Variants in CCDC124 observed in about 807,000 individuals in gnomAD.
CCDC124 encodes coiled-coil domain-containing protein 124.
CCDC124 carries 9 observed loss-of-function variants against 19.8 expected under a neutral mutation model. The observed-to-expected ratio is 0.45, with a 90% CI of 0.27 to 0.79. The LOEUF (loss-of-function observed/expected upper bound fraction) is 0.79, where lower values mean the gene tolerates loss of function less well. Among genes scored for constraint, CCDC124 ranks in the 30% least tolerant of loss-of-function variants. CCDC124 has a pLI of 0.14. For missense variants in CCDC124, 285 were observed against 319.0 expected (o/e 0.89, Z 0.81); for synonymous variants, 126 against 131.3 (o/e 0.96, Z 0.27).
rs2031199807 is a variant in CCDC124 at position 17,942,238 on chromosome 19, G to A, written c.160-418G>A. Among the ~76,000 whole-genome samples the A allele has an allele frequency of 1.3e-5, 2 of 152,174 alleles. No homozygotes were observed. The highest frequency in any genetic ancestry group is 3.9e-4 in the East Asian group (2 of 5,182). ...AACATGAACCCCTCCCTGGCCCCCA[G>A]AGGCTCCGCATGGCCCAGCCGTCTC... On this transcript the variant is annotated intron_variant, in intron 2 of 4. Coordinates refer to ENST00000445755, the MANE Select transcript of CCDC124 (RefSeq NM_001136203.2). This position sits in a 1 kb window ranked among gnomAD's most constrained non-coding sequence, Gnocchi z 4.2.
chr19:17,936,924 GAGGTCTCCCCGCTGCACTCC>G (rs1444388141), intron 2 of CCDC124: 8 of 163,682 alleles, frequency 4.9e-5, no homozygotes, highest in Non-Finnish European at 9.1e-5. Context: ...GCAGTGAGCC[GAGGTCTCCCCGCTGCACTCC>G]AGCATGGGCA....
chr19:17,943,353 G>A lies in CCDC124; in HGVS notation c.442G>A (p.Glu148Lys). The A allele has an allele frequency of 6.5e-7, 1 of 1,530,798 alleles. No individual in the cohort carries two copies. The highest frequency in any genetic ancestry group is 8.8e-7 in the Non-Finnish European group (1 of 1,136,646). 94.8% of individuals were successfully genotyped at this position (1,530,798 alleles called of 1,614,324 possible). Residue 148 changes from glutamate to lysine, a missense_variant, in exon 4 of 5, where the codon GAG becomes AAG. Coordinates refer to ENST00000445755, the MANE Select transcript of CCDC124 (RefSeq NM_001136203.2). Reference protein sequence around the residue: ...EEGSVEARTIEDAIAVLSVAE... With the variant: ...EEGSVEARTIKDAIAVLSVAE... ...GGGCAGCGTGGAGGCGCGCACCATC[G>A]AGGACGCCATTGCAGTGCTCAGGTA...
At chr19:17,943,119 C>A in intron 3 of CCDC124, 142 bp from the exon 4 acceptor site, 1 of 782,704 alleles carries the variant, frequency 1.3e-6, no homozygotes, top group Non-Finnish European at 2.1e-6. Flanking sequence ...GGCTTATCAG[C>A]TGAAGTCGCG....
chr19:17,943,314 C>A lies in CCDC124; in HGVS notation c.403C>A (p.Arg135Ser). The A allele has an allele frequency of 6.3e-7, 1 of 1,596,472 alleles. No individual in the cohort carries two copies. Among genetic ancestry groups the A allele is most frequent in the Middle Eastern group, 2.2e-4 (1 of 4,518 alleles). The change falls in exon 4 of 5, where the codon CGC (arginine) becomes AGC (serine). Residue 135 changes from arginine to serine, a missense_variant. Coordinates refer to ENST00000445755, the MANE Select transcript of CCDC124 (RefSeq NM_001136203.2). ...EVPLEENVNR[R>S]VLEEGSVEAR... ...GCCGCTGGAGGAGAACGTGAACCGCCGCGTGCTGGAGGAGGGCAGCGTGGA... is the reference window on the plus strand; with the variant it reads ...GCCGCTGGAGGAGAACGTGAACCGCAGCGTGCTGGAGGAGGGCAGCGTGGA...
chr19:17,934,152 C>G (rs901775862), intron 1 of CCDC124, among the ~76,000 whole-genome samples: 1 of 150,732 alleles, frequency 6.6e-6, no homozygotes, highest in Non-Finnish European at 1.5e-5. Flanking sequence ...AGTGAAACCC[C>G]GTCTCTACTA....
Position 17,943,254 on chromosome 19 carries a change from C to T in CCDC124, c.350-7C>T, listed in dbSNP as rs779122056. The T allele has an allele frequency of 1.5e-5, 21 of 1,417,630 alleles. No individual in the cohort carries two copies. Among genetic ancestry groups the T allele is most frequent in the Non-Finnish European group, 1.9e-5 (20 of 1,036,912 alleles). The allele number at this position is 1,417,630 out of a possible 1,614,324, so 87.8% of individuals were successfully genotyped here. ...TCTCTGTCTCTGTCACCCACCCACC[C>T]GCCCAGCCGAGAAAGCCAAGAGCCA... On this transcript the variant is annotated splice_region_variant and splice_polypyrimidine_tract_variant and intron_variant, in intron 3 of 4. Coordinates refer to ENST00000445755, the MANE Select transcript of CCDC124 (RefSeq NM_001136203.2).
In CCDC124 at chr19:17,943,490, G is replaced by C. The variant is rs746677658; in HGVS notation, c.465-18G>C. ...AAGGCTGCGCCCAAGGCCCCCTGAC[G>C]CTCATGTCCACCCCCAGCGTGGCGG... On this transcript the variant is annotated intron_variant, in intron 4 of 4. Coordinates refer to ENST00000445755, the MANE Select transcript of CCDC124 (RefSeq NM_001136203.2). 1.2e-6 allele frequency: 2 copies of C among 1,606,048 alleles called. No homozygotes were observed. The highest frequency in any genetic ancestry group is 1.7e-5 in the Admixed American group (1 of 59,810).
In CCDC124 at chr19:17,943,784, G is replaced by A; in HGVS notation, c.*69G>A. On this transcript the variant is annotated 3_prime_UTR_variant, in exon 5 of 5. Coordinates refer to ENST00000445755, the MANE Select transcript of CCDC124 (RefSeq NM_001136203.2). ...CACGACTCTGCACGCCCTTAGGCCA[G>A]GTCAGCTGCGAGGGTCACAGAGCGT... is the stretch of plus-strand genomic sequence containing the variant. 4.7e-6 allele frequency: 7 copies of A among 1,487,698 alleles called. No homozygotes were observed. 92.2% of individuals were successfully genotyped at this position (1,487,698 alleles called of 1,614,324 possible).
chr19:17,943,229 T>A, intron 3 of CCDC124, 32 bp from the exon 4 acceptor site: 1 of 788,254 alleles, frequency 1.3e-6, no homozygotes, highest in Non-Finnish European at 2.2e-6. Flanking sequence ...TGCTTATCTC[T>A]CTCTGTCTCT....
At chr19:17,936,003 C>T (rs1402253924) in intron 1 of CCDC124, among the ~76,000 whole-genome samples, 3 of 152,168 alleles carry the variant, frequency 2.0e-5, no homozygotes, top group African/African-American at 4.8e-5. Flanking sequence ...CTCCCGGGTT[C>T]GAGCGATTCT....
At chr19:17,941,963 A>G (rs947506283) in intron 2 of CCDC124, among the ~76,000 whole-genome samples, 1 of 152,140 alleles carries the variant, frequency 6.6e-6, no homozygotes, top group African/African-American at 2.4e-5. Context: ...AGCTTCCAGC[A>G]GCACTGCATA....
At chr19:17,933,421 T>C (rs2030988590) in intron 1 of CCDC124, among the ~76,000 whole-genome samples, 1 of 152,120 alleles carries the variant, frequency 6.6e-6, no homozygotes. Flanking sequence ...AATTTTGTAT[T>C]CTGTTATTTT....
rs762625853 is a variant in CCDC124 at position 17,942,672 on chromosome 19, G to A, written c.176G>A (p.Arg59Gln). 1.9e-6 allele frequency: 3 copies of A among 1,555,882 alleles called. No homozygotes were observed. The Admixed American group carries it at 5.9e-5, about 30-fold the overall frequency. Reference protein sequence around the residue: ...KEQRKEEKEKRRLDQLERKKE... With the variant: ...KEQRKEEKEKQRLDQLERKKE... ...CCCCCGCAGGAGGAGAAGGAGAAGC[G>A]GCGCCTCGACCAGCTGGAACGTAAG... Residue 59 changes from arginine to glutamine, a missense_variant, in exon 3 of 5, where the codon CGG becomes CAG. Coordinates refer to ENST00000445755, the MANE Select transcript of CCDC124 (RefSeq NM_001136203.2). The surrounding 1 kb of genome is among the most constrained non-coding windows in gnomAD (Gnocchi z 4.2).
chr19:17,933,382 G>A (rs1415943787), intron 1 of CCDC124, among the ~76,000 whole-genome samples: 2 of 152,324 alleles, frequency 1.3e-5, no homozygotes, highest in East Asian at 1.9e-4. Flanking sequence ...AGGGATAGCC[G>A]GGAGGGCTGC....
rs2031242799 is a variant in CCDC124 at position 17,943,609 on chromosome 19, C to A, written c.566C>A (p.Pro189His). ...AQLPRLKQEN[P>H]NMRLSQLKQL... ...CTGCCGCGGCTCAAACAAGAGAACCCCAACATGCGGCTGTCGCAGCTGAAA... is the reference window on the plus strand; with the variant it reads ...CTGCCGCGGCTCAAACAAGAGAACCACAACATGCGGCTGTCGCAGCTGAAA... Residue 189 changes from proline (P) to histidine (H), a missense_variant, in exon 5 of 5, where the codon CCC becomes CAC. Pro to His is a moderately conservative substitution (Grantham distance 77). Transcript: ENST00000445755. The A allele has an allele frequency of 1.2e-6, 2 of 1,612,912 alleles. No individual in the cohort carries two copies. Among genetic ancestry groups the A allele is most frequent in the African/African-American group, 2.7e-5 (2 of 74,932 alleles).
intron 2 of CCDC124, chr19:17,936,784 C>G (rs947436730): frequency 3.0e-5 from 16 of 536,946 alleles, no homozygotes; most frequent in Non-Finnish European, 4.5e-5. Context: ...AGTTCAAGAT[C>G]AGCCTGGCCA....
At chr19:17,933,914 C>T (rs934481776) in intron 1 of CCDC124, among the ~76,000 whole-genome samples, 3 of 152,262 alleles carry the variant, frequency 2.0e-5, no homozygotes, top group African/African-American at 7.2e-5. Flanking sequence ...TATTAGGTGC[C>T]CAGTACATAT....
chr19:17,938,943 A>G (rs2031117605), intron 2 of CCDC124, among the ~76,000 whole-genome samples: 1 of 151,980 alleles, frequency 6.6e-6, no homozygotes, highest in African/African-American at 2.4e-5. Flanking sequence ...TGTTTTTAGC[A>G]CACATTCAAT....
Position 17,942,721 on chromosome 19 carries a change from G to A in CCDC124, c.225G>A (p.Glu75=), listed in dbSNP as rs750953589. The change falls in exon 3 of 5, where the codon GAG becomes GAA. Residue 75 remains glutamate (E), a synonymous_variant. Transcript: ENST00000445755. This position sits in a 1 kb window ranked among gnomAD's most constrained non-coding sequence, Gnocchi z 4.2. ...AGAAGGAGACGCAGCGCCTACTGGA[G>A]GAGGAGGACTCCAAGCTCAAGGGCG... The part of the protein sequence containing the change: ...ERKKETQRLL[E]EEDSKLKGGK... 1.5e-5 allele frequency: 24 copies of A among 1,552,304 alleles called. No individual in the cohort carries two copies. In the South Asian group the frequency reaches 2.3e-4, roughly 15 times the overall value.
Sources: gnomAD v4.1 joint callset for allele counts (sites outside exome capture counted in the v4.1 genomes callset) on GRCh38, gnomAD v4.1.1 for gene constraint, Gnocchi (gnomAD v3.1) non-coding constraint, MANE v1.5 for transcripts, NCBI Gene and HGNC (gene_info 2026-07-23, HGNC 2026-07-21) for gene names.